The following PLAA variants were observed in gnomAD, a reference collection of about 807,000 sequenced individuals.
PLAA encodes phospholipase A-2-activating protein.
In PLAA, 48 loss-of-function variants were observed where a neutral mutation model predicts 84.1. The ratio of observed to expected loss-of-function variants is 0.57; its 90% CI spans 0.45 to 0.73. The LOEUF is 0.73. Among genes scored for constraint, PLAA ranks in the 30% least tolerant of loss-of-function variants. PLAA has a pLI of 0.00. For missense variants in PLAA, 903 were observed against 954.7 expected, an observed-to-expected ratio of 0.95 and a Z score of 0.71; for synonymous variants, 392 against 336.6, an observed-to-expected ratio of 1.16 and a Z score of -1.80.
At chr9:26,930,665 C>T (rs1394476465) in intron 2 of PLAA, among the ~76,000 whole-genome samples, 5 of 151,340 alleles carry the variant, frequency 3.3e-5, no homozygotes, top group African/African-American at 1.2e-4. Context: ...TCACTGCAAC[C>T]TCCGCTTCCG....
chr9:26,944,494 G>A (rs1370729325), intron 1 of PLAA, among the ~76,000 whole-genome samples: 1 of 152,054 alleles, frequency 6.6e-6, no homozygotes, highest in African/African-American at 2.4e-5. Context: ...TAACCCTGGG[G>A]TATCCAATCT....
chr9:26,925,827 C>A lies in PLAA; in HGVS notation c.867G>T (p.Ala289=). ...ATGATTGACTAGAATATAAATACCT[C>A]GCACCAACCACAATGTCACCATTGT... ...VLDNGDIVVG[A]SDGIIRVFTE... Residue 289 remains alanine, a splice_region_variant and synonymous_variant, in exon 6 of 14, where the codon GCG becomes GCT. Transcript: ENST00000397292. 6.2e-7 allele frequency: 1 copy of A among 1,613,678 alleles called. No homozygotes were observed. The highest frequency in any genetic ancestry group is 1.1e-5 in the South Asian group (1 of 91,048).
In PLAA at chr9:26,916,568, T is replaced by C. The variant is rs529114193; in HGVS notation, c.1486+529A>G. ...TGTCTCCTTCCATGTTAAGTCAAAA[T>C]ATGCCTGGGGAGACTTCTTGATTGT... On this transcript the variant is annotated intron_variant, in intron 10 of 13. Coordinates refer to ENST00000397292, the MANE Select transcript of PLAA (RefSeq NM_001031689.3). 2.0e-5 allele frequency: 20 copies of C among 987,100 alleles called. No homozygotes were observed. The Admixed American group carries it at 4.9e-4, about 24-fold the overall frequency. The allele number at this position is 987,100 out of a possible 1,614,324, so 61.1% of individuals were successfully genotyped here. A position where few individuals can be genotyped will look rare whatever the true frequency, so the allele number is the denominator to read the frequency against.
chr9:26,913,302 T>C (rs543984456), intron 11 of PLAA, among the ~76,000 whole-genome samples: 1 of 152,246 alleles, frequency 6.6e-6, no homozygotes, highest in South Asian at 2.1e-4. Context: ...CAGCACATAT[T>C]CAATGAACAA....
chr9:26,926,035 C>CACTGACTTT, intron 5 of PLAA, 75 bp from the exon 6 acceptor site: 1 of 1,238,766 alleles, frequency 8.1e-7, no homozygotes, highest in South Asian at 1.4e-5. Context: ...TTTCTAGATA[C>CACTGACTTT]ACTGACTTTT....
At chr9:26,916,590 T>C in intron 10 of PLAA, 1 of 987,326 alleles carries the variant, frequency 1.0e-6, no homozygotes, top group Non-Finnish European at 1.2e-6. Context: ...GACTTCTTGA[T>C]TGTACTGCTC....
At chr9:26,910,140 G>A (rs554596725) in intron 12 of PLAA, among the ~76,000 whole-genome samples, 198 bp downstream of exon 12, 1 of 151,844 alleles carries the variant, frequency 6.6e-6, no homozygotes, top group Middle Eastern at 3.4e-3. Flanking sequence ...CTTTATGTTT[G>A]TGTAAGACTT....
intron 9 of PLAA, among the ~76,000 whole-genome samples, chr9:26,918,673 T>C (rs1038883989): frequency 5.3e-5 from 8 of 152,282 alleles, no homozygotes; most frequent in Middle Eastern, 3.4e-3. Flanking sequence ...AACAGTAAAG[T>C]GCCTATCTCA....
intron 11 of PLAA, among the ~76,000 whole-genome samples, chr9:26,911,606 C>CT (rs1454808089): frequency 2.6e-5 from 4 of 152,004 alleles, no homozygotes; most frequent in Non-Finnish European, 5.9e-5. Context: ...GTCTTTTATA[C>CT]TTTTTTTTAC....
chr9:26,910,587 C>A, intron 11 of PLAA, 148 bp from the exon 12 acceptor site: 3 of 445,726 alleles, frequency 6.7e-6, no homozygotes, highest in Non-Finnish European at 1.2e-5. Context: ...GAAAAATATC[C>A]AAAATATTTT....
At chr9:26,917,057 T>C in intron 10 of PLAA, 40 bp downstream of exon 10, 2 of 1,517,102 alleles carry the variant, frequency 1.3e-6, no homozygotes, top group East Asian at 4.5e-5. Context: ...ATGCTATACA[T>C]TTAGTGAAGA....
At chr9:26,915,115 G>A (rs762420493) in intron 10 of PLAA, among the ~76,000 whole-genome samples, 4 of 152,130 alleles carry the variant, frequency 2.6e-5, no homozygotes, top group Non-Finnish European at 4.4e-5. Context: ...GGGAGGCTGA[G>A]GCAGGAGAAT....
intron 1 of PLAA, among the ~76,000 whole-genome samples, chr9:26,940,596 T>C (rs1825500620): frequency 6.6e-6 from 1 of 152,220 alleles, no homozygotes; most frequent in Admixed American, 6.5e-5. Context: ...ATTATGAATA[T>C]ACTTAATACC....
chr9:26,912,294 G>A (rs369941294), intron 11 of PLAA, among the ~76,000 whole-genome samples: 16 of 152,340 alleles, frequency 1.1e-4, no homozygotes, highest in Non-Finnish European at 1.5e-4. Flanking sequence ...AAGCTCTGGA[G>A]GTAGAAAATA....
Position 26,917,155 on chromosome 9 carries a change from C to A in PLAA, c.1428G>T (p.Arg476=). The change falls in exon 10 of 14, where the codon CGG becomes CGT. Residue 476 remains arginine (R), a synonymous_variant. Transcript: ENST00000397292. ...AAGATCCCGAAGAGCCCGGAACATACCGACCACCACCTGTGCATGCAAAAT... is the reference window on the plus strand; with the variant it reads ...AAGATCCCGAAGAGCCCGGAACATAACGACCACCACCTGTGCATGCAAAAT... ...SFSDPFTGGG[R]YVPGSSGSSN... 1.9e-6 allele frequency: 3 copies of A among 1,613,744 alleles called. No individual in the cohort carries two copies. Among genetic ancestry groups the A allele is most frequent in the Non-Finnish European group, 2.5e-6 (3 of 1,179,762 alleles).
chr9:26,912,440 A>G (rs1201411819), intron 11 of PLAA, among the ~76,000 whole-genome samples: 3 of 152,212 alleles, frequency 2.0e-5, no homozygotes, highest in African/African-American at 7.2e-5. Flanking sequence ...GGAGGTGCAT[A>G]AACAGAGTAA....
chr9:26,907,690 G>C, intron 13 of PLAA, 144 bp downstream of exon 13: 1 of 650,132 alleles, frequency 1.5e-6, no homozygotes, highest in Non-Finnish European at 2.6e-6. Flanking sequence ...GTAGTGTAGT[G>C]AACCCTTTTC....
At chr9:26,927,126 TC>T (rs1563914315) in intron 4 of PLAA, among the ~76,000 whole-genome samples, 1 of 138,922 alleles carries the variant, frequency 7.2e-6, no homozygotes, top group African/African-American at 2.9e-5. Context: ...TTTTTGTTTT[TC>T]TTTTTTTTTT....
intron 6 of PLAA, among the ~76,000 whole-genome samples, chr9:26,924,001 GTTCTATTGGT>G (rs1824857184): frequency 6.6e-6 from 1 of 152,042 alleles, no homozygotes. Context: ...TACATCACTC[GTTCTATTGGT>G]TTTTCTTCAT....
Sources: gnomAD v4.1 joint callset for allele counts (sites outside exome capture counted in the v4.1 genomes callset) on GRCh38, gnomAD v4.1.1 for gene constraint, MANE v1.5 for transcripts, NCBI Gene and HGNC (gene_info 2026-07-23, HGNC 2026-07-21) for gene names.